The following ARB2A variants were observed in gnomAD, a reference collection of about 807,000 sequenced individuals.
ARB2A encodes ARB2 cotranscriptional regulator A.
At chr5:93,976,267 T>C in the ARB2A span, among the ~76,000 whole-genome samples, 1 of 152,014 alleles carries the variant, frequency 6.6e-6, no homozygotes, top group African/African-American at 2.4e-5. Context: ...GGAACACATC[T>C]CAAAATAATA....
the ARB2A span, among the ~76,000 whole-genome samples, chr5:94,020,656 G>A: frequency 9.2e-5 from 14 of 152,128 alleles, no homozygotes; most frequent in African/African-American, 3.4e-4. Flanking sequence ...ACATATTGTA[G>A]ATCTGATAAT....
the ARB2A span, among the ~76,000 whole-genome samples, chr5:94,040,402 G>A: frequency 5.3e-5 from 8 of 151,374 alleles, no homozygotes; most frequent in African/African-American, 1.9e-4. Context: ...TGTACACAAC[G>A]TGCAGGTTTG....
chr5:93,806,337 T>G, the ARB2A span, among the ~76,000 whole-genome samples: 5 of 151,800 alleles, frequency 3.3e-5, no homozygotes, highest in African/African-American at 1.2e-4. Context: ...CAGAAAACAG[T>G]TACAGCTTTT....
chr5:93,674,778 G>A, the ARB2A span, among the ~76,000 whole-genome samples: 1 of 152,164 alleles, frequency 6.6e-6, no homozygotes, highest in Non-Finnish European at 1.5e-5. Context: ...CAAACTGTGT[G>A]TTCAGCCTAA....
chr5:93,732,997 A>G, the ARB2A span, among the ~76,000 whole-genome samples: 3 of 152,126 alleles, frequency 2.0e-5, no homozygotes, highest in Non-Finnish European at 4.4e-5. Flanking sequence ...GCTTCATTCA[A>G]CAATTAACTC....
At chr5:93,893,070 C>G in the ARB2A span, among the ~76,000 whole-genome samples, 1 of 152,114 alleles carries the variant, frequency 6.6e-6, no homozygotes, top group African/African-American at 2.4e-5. Context: ...CATGAAAATA[C>G]ATGGTTCTTT....
the ARB2A span, among the ~76,000 whole-genome samples, chr5:93,877,233 G>A: frequency 6.6e-6 from 1 of 152,094 alleles, no homozygotes; most frequent in Non-Finnish European, 1.5e-5. Context: ...AGATGTTCAA[G>A]CACTTCCAAC....
the ARB2A span, chr5:94,053,243 T>C: frequency 7.7e-7 from 1 of 1,295,376 alleles, no homozygotes; most frequent in South Asian, 1.4e-5. Flanking sequence ...AAAGAAATGA[T>C]ATGAAATTTA....
the ARB2A span, among the ~76,000 whole-genome samples, chr5:94,030,430 G>A: frequency 0.15 from 22,420 of 152,242 alleles, 2,277 homozygotes; most frequent in Admixed American, 0.28. Context: ...TCATCTGGGG[G>A]ACAACCTTAG....
At chr5:93,661,158 A>C in the ARB2A span, among the ~76,000 whole-genome samples, 1 of 152,210 alleles carries the variant, frequency 6.6e-6, no homozygotes, top group Non-Finnish European at 1.5e-5. Context: ...GTGAGAGAAG[A>C]AAGGCATTGC....
the ARB2A span, among the ~76,000 whole-genome samples, chr5:93,762,795 C>G: frequency 1.3e-5 from 2 of 152,066 alleles, no homozygotes; most frequent in Non-Finnish European, 2.9e-5. Flanking sequence ...TAAGAGCAGC[C>G]AGAGAGAAAG....
the ARB2A span, among the ~76,000 whole-genome samples, chr5:94,089,765 C>A: frequency 6.6e-6 from 1 of 152,036 alleles, no homozygotes; most frequent in African/African-American, 2.4e-5. Context: ...AATCACAGAA[C>A]TGAAAGGGAA....
chr5:93,989,331 A>G, the ARB2A span, among the ~76,000 whole-genome samples: 2 of 152,180 alleles, frequency 1.3e-5, no homozygotes, highest in Non-Finnish European at 2.9e-5. Flanking sequence ...ACTACTATAT[A>G]TGAGAACATA....
chr5:93,866,090 A>C, the ARB2A span: 16 of 984,846 alleles, frequency 1.6e-5, no homozygotes, highest in African/African-American at 3.5e-5. Context: ...AGAGATGTTA[A>C]AATGTGATAA....
the ARB2A span, among the ~76,000 whole-genome samples, chr5:93,725,775 A>G: frequency 6.6e-6 from 1 of 152,088 alleles, no homozygotes; most frequent in Non-Finnish European, 1.5e-5. Context: ...AAAAGATTAA[A>G]TTGGTTGTAC....
the ARB2A span, among the ~76,000 whole-genome samples, chr5:94,082,283 A>G: frequency 6.6e-4 from 101 of 152,274 alleles, no homozygotes; most frequent in African/African-American, 2.4e-3. Flanking sequence ...ACCACCTAAA[A>G]GCATCCCAAT....
chr5:93,897,629 T>A, the ARB2A span, among the ~76,000 whole-genome samples: 1 of 151,866 alleles, frequency 6.6e-6, no homozygotes, highest in African/African-American at 2.4e-5. Context: ...AAAATAAGAT[T>A]AATTATATAT....
the ARB2A span, among the ~76,000 whole-genome samples, chr5:93,866,725 G>A: frequency 3.0e-4 from 46 of 152,244 alleles, no homozygotes; most frequent in Middle Eastern, 3.4e-3. Context: ...ATATGCAGGG[G>A]TTCTGGAATC....
the ARB2A span, among the ~76,000 whole-genome samples, chr5:93,936,182 T>C: frequency 1.3e-5 from 2 of 152,200 alleles, no homozygotes; most frequent in African/African-American, 2.4e-5. Context: ...TGAAAACTCA[T>C]TTTGTTCTTT....
Sources: allele counts gnomAD v4.1 joint callset (sites outside exome capture counted in the v4.1 genomes callset), GRCh38; gene constraint gnomAD v4.1.1; transcripts MANE v1.5; gene names NCBI Gene and HGNC (gene_info 2026-07-23, HGNC 2026-07-21).